Variants in RNF212 observed in about 807,000 individuals in gnomAD.
RNF212 encodes ring finger protein 212, also known as probable E3 SUMO-protein ligase RNF212.
In RNF212, 33 loss-of-function variants were observed where a neutral mutation model predicts 34.7. The ratio of observed to expected loss-of-function variants is 0.95; its 90% CI spans 0.72 to 1.27. RNF212 has a LOEUF of 1.27. RNF212 is among the 50% of genes most tolerant of loss of function. RNF212 has a pLI of 0.00. For synonymous variants in RNF212, 140 were observed against 136.1 expected, an observed-to-expected ratio of 1.03 and a Z score of -0.20; for missense variants, 377 against 362.2, an observed-to-expected ratio of 1.04 and a Z score of -0.33.
intron 3 of RNF212, chr4:1,093,848 T>C: frequency 6.5e-7 from 1 of 1,536,202 alleles, no homozygotes; most frequent in South Asian, 1.2e-5. Flanking sequence ...TGGCTGGCTC[T>C]GGGACCGCCG....
At chr4:1,066,850 T>G (rs1300832786), downstream of RNF212, among the ~76,000 whole-genome samples, 1 of 152,210 alleles carries the variant, frequency 6.6e-6, no homozygotes, top group Non-Finnish European at 1.5e-5. Flanking sequence ...TGCTTTGGTA[T>G]CATATCCAGG....
At chr4:1,080,971 G>A (rs530610050) in intron 7 of RNF212, among the ~76,000 whole-genome samples, 1 of 152,356 alleles carries the variant, frequency 6.6e-6, no homozygotes, top group East Asian at 1.9e-4. Context: ...CAGGACATGT[G>A]CCAGTATGAA....
chr4:1,074,356 T>A (rs978531030), intron 8 of RNF212, among the ~76,000 whole-genome samples: 1 of 152,192 alleles, frequency 6.6e-6, no homozygotes, highest in African/African-American at 2.4e-5. Context: ...GTTCCCAGGC[T>A]CCTTGCCTCA....
At chr4:1,099,891 C>A in intron 2 of RNF212, 1 of 456,146 alleles carries the variant, frequency 2.2e-6, no homozygotes, top group Non-Finnish European at 4.4e-6. Context: ...TAAAGGCGTG[C>A]TGTTGGTGAC....
At chr4:1,063,449 G>A (rs1319241944) in intron 3 of RNF212, among the ~76,000 whole-genome samples, 2 of 152,190 alleles carry the variant, frequency 1.3e-5, no homozygotes, top group Non-Finnish European at 1.5e-5. Flanking sequence ...GGTGGCTCAT[G>A]CCTGTAATCC....
At chr4:1,093,637 G>C in intron 3 of RNF212, 1 of 1,535,942 alleles carries the variant, frequency 6.5e-7, no homozygotes, top group Non-Finnish European at 8.7e-7. Flanking sequence ...TCTCTCCTGA[G>C]ACAGCACCTG....
chr4:1,067,326 G>A (rs1025627006), downstream of RNF212, among the ~76,000 whole-genome samples: 2 of 152,078 alleles, frequency 1.3e-5, no homozygotes, highest in East Asian at 3.8e-4. Context: ...ACAAAAAACA[G>A]CAAGACAGCA....
chr4:1,073,844 T>C, intron 8 of RNF212, 182 bp from the exon 9 acceptor site: 1 of 624,216 alleles, frequency 1.6e-6, no homozygotes, highest in Non-Finnish European at 2.9e-6. Context: ...CTGCTGGTGG[T>C]AGAGGTGGTG....
At position 1,076,451 on chromosome 4, in the gene RNF212, C is replaced by A. The variant is rs146025515; in HGVS notation, c.511-2789G>T. 1.8e-3 allele frequency among the ~76,000 whole-genome samples: 271 copies of A among 152,330 alleles called. 2 individuals are homozygous for A. Among genetic ancestry groups the A allele is most frequent in the Middle Eastern group, 0.014 (4 of 294 alleles). On this transcript the variant is annotated intron_variant, in intron 8 of 9. Transcript: ENST00000433731. ...GGGCAGGAACCCCACCAAGAGCACC[C>A]CCGATAATGCTCTTTCCCATGCAGC...
intron 2 of RNF212, among the ~76,000 whole-genome samples, chr4:1,103,862 C>T (rs1047502731): frequency 1.8e-4 from 28 of 152,176 alleles, no homozygotes; most frequent in Non-Finnish European, 3.1e-4. Flanking sequence ...CTCCTCAGCA[C>T]TGTACTGGAG....
At chr4:1,094,403 T>C (rs1283241539) in intron 3 of RNF212, among the ~76,000 whole-genome samples, 1 of 147,518 alleles carries the variant, frequency 6.8e-6, no homozygotes. Flanking sequence ...CGTCAGAAGC[T>C]GGGGGTGGGG....
rs763470021 is a variant in RNF212 at position 1,096,782 on chromosome 4, A to G, written c.229T>C (p.Ser77Pro). Residue 77 changes from serine to proline, a missense_variant, in exon 3 of 10, where the codon TCC becomes CCC. Physicochemically the swap from Ser to Pro is moderately conservative, Grantham distance 74 (BLOSUM62 -1). Transcript: ENST00000433731. Reference sequence around the variant, plus strand: ...CAGCTCACCTGGGAGGTTTCCCTGGAGTACTTCTTACACAGACTGTCTATG... The same window carrying G: ...CAGCTCACCTGGGAGGTTTCCCTGGGGTACTTCTTACACAGACTGTCTATG... ...MSIDSLCKKYSRETSQILEFQ... is the reference protein window; with the variant it reads ...MSIDSLCKKYPRETSQILEFQ... 1.2e-6 allele frequency: 2 copies of G among 1,613,780 alleles called. No homozygotes were observed. The highest frequency in any genetic ancestry group is 1.7e-6 in the Non-Finnish European group (2 of 1,179,620).
At chr4:1,081,673 C>A (rs970610134) in intron 5 of RNF212, 54 bp from the exon 6 acceptor site, 1 of 1,233,452 alleles carries the variant, frequency 8.1e-7, no homozygotes, top group South Asian at 1.2e-5. Context: ...GACTTCCCCC[C>A]AGGTCATCCC....
At chr4:1,110,407 A>T (rs1306474991) in intron 1 of RNF212, among the ~76,000 whole-genome samples, 2 of 152,102 alleles carry the variant, frequency 1.3e-5, no homozygotes, top group Non-Finnish European at 2.9e-5. Context: ...TTTGGGTCGC[A>T]TTTGGGTCAG....
At position 1,085,701 on chromosome 4, in the gene RNF212, TTTC is replaced by T. The variant is rs1301035972; in HGVS notation, c.362+192_362+194del. 37 of 596,366 alleles carry T rather than the reference TTTC, an allele frequency of 6.2e-5. No individual in the cohort carries two copies. In the East Asian group the frequency reaches 1.0e-3, roughly 17 times the overall value. The allele number at this position is 596,366 out of a possible 1,614,324, so 36.9% of individuals were successfully genotyped here. ...GAAACCATTCATCTCTTTTTCACTTTTTCTTTTTTGTCTCCCTTCTTCCCTTCG... is the reference window on the plus strand; with the variant it reads ...GAAACCATTCATCTCTTTTTCACTTTTTTTTTGTCTCCCTTCTTCCCTTCG... On this transcript the variant is annotated intron_variant, in intron 5 of 9. Coordinates refer to ENST00000433731, the MANE Select transcript of RNF212 (RefSeq NM_001131034.4).
At chr4:1,080,637 G>T (rs761575234) in intron 7 of RNF212, among the ~76,000 whole-genome samples, 3 of 152,126 alleles carry the variant, frequency 2.0e-5, no homozygotes, top group African/African-American at 4.8e-5. Flanking sequence ...CGGGAAACCT[G>T]CCTGGATGAC....
intron 5 of RNF212, among the ~76,000 whole-genome samples, chr4:1,082,981 G>A (rs1378099576): frequency 2.0e-5 from 3 of 152,192 alleles, no homozygotes; most frequent in Non-Finnish European, 2.9e-5. Flanking sequence ...TGGGTGGCAC[G>A]AACGCCACCA....
At chr4:1,083,780 G>T (rs1370102744) in intron 5 of RNF212, among the ~76,000 whole-genome samples, 1 of 152,178 alleles carries the variant, frequency 6.6e-6, no homozygotes, top group African/African-American at 2.4e-5. Flanking sequence ...AGAGGCTGAC[G>T]TCGAGGGTGG....
downstream of RNF212, among the ~76,000 whole-genome samples, chr4:1,069,709 G>T (rs1028255903): frequency 6.6e-6 from 1 of 152,376 alleles, no homozygotes; most frequent in East Asian, 1.9e-4. Context: ...CCCACCAATA[G>T]AGGATGGTCT....
Sources: gnomAD v4.1 joint callset for allele counts (sites outside exome capture counted in the v4.1 genomes callset) on GRCh38, gnomAD v4.1.1 for gene constraint, MANE v1.5 for transcripts, NCBI Gene and HGNC (gene_info 2026-07-23, HGNC 2026-07-21) for gene names.